The following MYRFL variants were observed in gnomAD, a reference collection of about 807,000 sequenced individuals.
The protein encoded by MYRFL is myelin regulatory factor-like protein.
Under a neutral mutation model 109.4 loss-of-function variants are expected in MYRFL, and 88 were observed. The ratio of observed to expected loss-of-function variants is 0.80; its 90% CI spans 0.68 to 0.96. The LOEUF is 0.96. MYRFL is among the 40% of genes least tolerant of loss of function. The probability of loss-of-function intolerance (pLI) is 0.00; values close to 1 mark genes in which losing one functional copy is unlikely to be tolerated. For synonymous variants in MYRFL, 324 were observed against 320.9 expected, an observed-to-expected ratio of 1.01 and a Z score of -0.10; for missense variants, 957 against 954.9, an observed-to-expected ratio of 1.00 and a Z score of -0.03.
intron 13 of MYRFL, among the ~76,000 whole-genome samples, chr12:69,921,417 G>A (rs1215466454): frequency 6.6e-6 from 1 of 152,126 alleles, no homozygotes; most frequent in Non-Finnish European, 1.5e-5. Flanking sequence ...TGTGATATGG[G>A]TTCTTGGTTC....
At chr12:69,860,566 G>C (rs1271177134) in intron 2 of MYRFL, among the ~76,000 whole-genome samples, 1 of 151,570 alleles carries the variant, frequency 6.6e-6, no homozygotes, top group Non-Finnish European at 1.5e-5. Context: ...ATTAATTATT[G>C]ATATGTTTGG....
intron 5 of MYRFL, among the ~76,000 whole-genome samples, chr12:69,882,298 A>G (rs1026174771): frequency 8.1e-5 from 12 of 147,970 alleles, no homozygotes; most frequent in African/African-American, 2.6e-4. Flanking sequence ...CCCAAGGCCA[A>G]AAAAAGAAAA....
chr12:69,835,736 G>T (rs1000704052), intron 1 of MYRFL, among the ~76,000 whole-genome samples: 15 of 152,138 alleles, frequency 9.9e-5, no homozygotes, highest in African/African-American at 3.6e-4. Context: ...AGGTTCCCTT[G>T]TCCCCCTCAC....
chr12:69,865,263 T>C (rs1010825332), intron 2 of MYRFL, among the ~76,000 whole-genome samples: 11 of 152,174 alleles, frequency 7.2e-5, no homozygotes, highest in Non-Finnish European at 1.6e-4. Flanking sequence ...AGTGAACAGC[T>C]GTGTAGAAAT....
intron 19 of MYRFL, among the ~76,000 whole-genome samples, chr12:69,939,730 C>A (rs200535967): frequency 0.2 from 30,496 of 151,594 alleles, 3,192 homozygotes; most frequent in South Asian, 0.37. Context: ...AGGCTTCAGA[C>A]GATCAAATTA....
At chr12:69,875,042 A>G (rs971736620) in intron 2 of MYRFL, among the ~76,000 whole-genome samples, 7 of 151,466 alleles carry the variant, frequency 4.6e-5, no homozygotes, top group East Asian at 1.9e-4. Flanking sequence ...TACATCTACC[A>G]CATCAGAGTG....
At chr12:69,857,245 CACA>C (rs1405632789) in intron 2 of MYRFL, among the ~76,000 whole-genome samples, 1 of 151,834 alleles carries the variant, frequency 6.6e-6, no homozygotes, top group Non-Finnish European at 1.5e-5. Flanking sequence ...ATTTTGCCAA[CACA>C]ACATTATCTT....
In MYRFL at chr12:69,891,681, C is replaced by CG. The variant is rs1886900022; in HGVS notation, c.903+515_903+516insG. 5.8e-5 allele frequency among the ~76,000 whole-genome samples: 6 copies of CG among 102,692 alleles called. No homozygotes were observed. The South Asian group carries it at 1.1e-3, about 19-fold the overall frequency. 67.4% of individuals were successfully genotyped at this position (102,692 alleles called of 152,430 possible). Reference sequence around the variant, plus strand: ...TCTTTCTTTCTTTCTTTCTTTCTTTCTTTCGTTCGTTCGTTCTTTCTTTCT... The same window carrying CG: ...TCTTTCTTTCTTTCTTTCTTTCTTTCGTTTCGTTCGTTCGTTCTTTCTTTCT... On this transcript the variant is annotated intron_variant, in intron 7 of 24. Coordinates refer to ENST00000552032, the MANE Select transcript of MYRFL (RefSeq NM_182530.3).
chr12:69,891,605 C>T (rs11271266), intron 7 of MYRFL, among the ~76,000 whole-genome samples: 2 of 53,126 alleles, frequency 3.8e-5, no homozygotes, highest in Admixed American at 2.1e-4. Flanking sequence ...TTCTTTCTTT[C>T]TCTTTCTTTC....
At chr12:69,930,477 G>A (rs1287685986) in intron 15 of MYRFL, among the ~76,000 whole-genome samples, 6 of 152,022 alleles carry the variant, frequency 3.9e-5, no homozygotes, top group African/African-American at 9.7e-5. Flanking sequence ...GCTCCCCAGG[G>A]TTCAAATAAG....
intron 19 of MYRFL, among the ~76,000 whole-genome samples, chr12:69,938,845 G>C (rs535055545): frequency 6.6e-6 from 1 of 152,070 alleles, no homozygotes; most frequent in Non-Finnish European, 1.5e-5. Context: ...CGCACCGTGC[G>C]CGAGCCGAAG....
At chr12:69,883,643 G>T (rs548999102) in intron 5 of MYRFL, among the ~76,000 whole-genome samples, 5 of 150,120 alleles carry the variant, frequency 3.3e-5, no homozygotes, top group Non-Finnish European at 7.4e-5. Flanking sequence ...TGGGTGGATC[G>T]CTTGAGCCCA....
chr12:69,855,520 C>G, intron 2 of MYRFL, 150 bp downstream of exon 2: 1 of 544,448 alleles, frequency 1.8e-6, no homozygotes, highest in South Asian at 2.8e-5. Context: ...ACAAATATCA[C>G]CACTGCAGAA....
intron 10 of MYRFL, among the ~76,000 whole-genome samples, chr12:69,898,367 T>C (rs1311918401): frequency 6.6e-6 from 1 of 152,182 alleles, no homozygotes; most frequent in African/African-American, 2.4e-5. Flanking sequence ...TGTTCAGCAA[T>C]CCCAGGGTTA....
At chr12:69,910,294 T>A (rs898154) in intron 12 of MYRFL, among the ~76,000 whole-genome samples, 53,891 of 151,944 alleles carry the variant, frequency 0.35, 10,330 homozygotes, top group African/African-American at 0.49. Flanking sequence ...GTACTGGTGG[T>A]GTAGGTTGAA....
At chr12:69,853,784 C>T (rs979941965) in intron 1 of MYRFL, among the ~76,000 whole-genome samples, 11 of 147,180 alleles carry the variant, frequency 7.5e-5, no homozygotes, top group Admixed American at 3.4e-4. Context: ...ACATCCCAGA[C>T]GATGGTTGGC....
intron 5 of MYRFL, among the ~76,000 whole-genome samples, 155 bp downstream of exon 5, chr12:69,880,447 AC>A (rs1409169713): frequency 6.6e-6 from 1 of 152,160 alleles, no homozygotes; most frequent in Admixed American, 6.5e-5. Context: ...CTCTTGATGT[AC>A]CTTTCATGCA....
At chr12:69,944,685 A>C (rs1240040168) in intron 19 of MYRFL, among the ~76,000 whole-genome samples, 1 of 151,196 alleles carries the variant, frequency 6.6e-6, no homozygotes, top group Non-Finnish European at 1.5e-5. Flanking sequence ...AAAGTATAAT[A>C]ATAAAAGAAA....
intron 13 of MYRFL, among the ~76,000 whole-genome samples, chr12:69,923,790 T>C (rs1186409094): frequency 6.6e-6 from 1 of 152,192 alleles, no homozygotes; most frequent in African/African-American, 2.4e-5. Flanking sequence ...CACTGTAAGG[T>C]TAAACCAGAA....
Sources: allele counts gnomAD v4.1 joint callset (sites outside exome capture counted in the v4.1 genomes callset), GRCh38; gene constraint gnomAD v4.1.1; transcripts MANE v1.5; gene names NCBI Gene and HGNC (gene_info 2026-07-23, HGNC 2026-07-21).